The following GALNT13 variants were observed in gnomAD, a reference collection of about 807,000 sequenced individuals.
GALNT13 encodes the protein UDP-GalNAc:polypeptide N-acetylgalactosaminyltransferase 13.
GALNT13 carries 28 observed loss-of-function variants against 64.2 expected under a neutral mutation model. The ratio of observed to expected loss-of-function variants is 0.44; its 90% CI spans 0.32 to 0.60. GALNT13 has a LOEUF of 0.60. Among genes scored for constraint, GALNT13 ranks in the 20% least tolerant of loss-of-function variants. GALNT13 has a pLI of 0.05. For synonymous variants in GALNT13, 214 were observed against 224.6 expected (o/e 0.95, Z 0.42); for missense variants, 577 against 669.8 (o/e 0.86, Z 1.53).
the GALNT13 span, among the ~76,000 whole-genome samples, chr2:153,532,334 G>A: frequency 6.6e-6 from 1 of 152,068 alleles, no homozygotes; most frequent in African/African-American, 2.4e-5. Context: ...TTTGAGCCAC[G>A]GCTAGAGCTG....
chr2:154,306,004 C>A (rs544050683), intron 9 of GALNT13, among the ~76,000 whole-genome samples: 2 of 152,192 alleles, frequency 1.3e-5, no homozygotes, highest in African/African-American at 4.8e-5. Context: ...GCTGAATTAT[C>A]CATGGGTGTC....
At chr2:153,885,952 CA>C (rs1305627480) in intron 1 of GALNT13, among the ~76,000 whole-genome samples, 2 of 151,772 alleles carry the variant, frequency 1.3e-5, no homozygotes, top group African/African-American at 4.8e-5. Context: ...GAACATGAAT[CA>C]GCAAACTAAA....
At chr2:154,442,865 CTT>C (rs1701371209) in intron 12 of GALNT13, among the ~76,000 whole-genome samples, 1 of 152,022 alleles carries the variant, frequency 6.6e-6, no homozygotes, top group South Asian at 2.1e-4. Flanking sequence ...CTAAAAATAA[CTT>C]ATTTTTCATG....
At chr2:153,755,905 G>T in the GALNT13 span, among the ~76,000 whole-genome samples, 1 of 152,092 alleles carries the variant, frequency 6.6e-6, no homozygotes, top group African/African-American at 2.4e-5. Flanking sequence ...GTAGTCTTAA[G>T]TGATTATTCC....
rs894303304 is a variant in GALNT13, at chr2:154,140,451, T to C, written c.257T>C (p.Met86Thr). The C allele has an allele frequency of 6.2e-7, 1 of 1,612,862 alleles. No homozygotes were observed. The highest frequency in any genetic ancestry group is 8.5e-7 in the Non-Finnish European group (1 of 1,179,064). Residue 86 changes from methionine (M) to threonine (T), a missense_variant, in exon 4 of 13, where the codon ATG becomes ACG. Physicochemically the swap from Met to Thr is moderately conservative, Grantham distance 81. Around this residue, in one of 3 missense-constraint regions of GALNT13, gnomAD observed 341 missense variants for 379.3 expected, o/e 0.90. Transcript: ENST00000392825. The part of the protein sequence containing the change: ...ELFKINQFNL[M>T]ASDLIALNRS... ...TTTAAAATCAATCAGTTTAACCTTA[T>C]GGCCAGTGATTTGATTGCCCTTAAT...
At chr2:153,736,662 A>G in the GALNT13 span, among the ~76,000 whole-genome samples, 2 of 152,078 alleles carry the variant, frequency 1.3e-5, no homozygotes, top group African/African-American at 2.4e-5. Context: ...CTATTTCTCT[A>G]TCATCTATTG....
intron 4 of GALNT13, among the ~76,000 whole-genome samples, chr2:154,179,137 C>T (rs1206894137): frequency 1.3e-5 from 2 of 152,150 alleles, no homozygotes; most frequent in Non-Finnish European, 2.9e-5. Context: ...GAAACTCCTT[C>T]TACTCTCTTA....
At chr2:154,161,275 A>G (rs16836135) in intron 4 of GALNT13, among the ~76,000 whole-genome samples, 2,462 of 152,312 alleles carry the variant, frequency 0.016, 62 homozygotes, top group African/African-American at 0.055. Context: ...AATGCATTCT[A>G]TATTATTAAT....
chr2:153,711,077 A>C, the GALNT13 span, among the ~76,000 whole-genome samples: 1 of 152,126 alleles, frequency 6.6e-6, no homozygotes, highest in African/African-American at 2.4e-5. Context: ...GAGCCTTGCC[A>C]CAGGAACTTT....
chr2:153,224,323 G>C, the GALNT13 span, among the ~76,000 whole-genome samples: 1 of 151,946 alleles, frequency 6.6e-6, no homozygotes, highest in African/African-American at 2.4e-5. Context: ...GAGACTACTA[G>C]AGAAGGGGGG....
chr2:153,630,809 T>TATTTATTTA, the GALNT13 span, among the ~76,000 whole-genome samples: 1 of 14,078 alleles, frequency 7.1e-5, no homozygotes, highest in Non-Finnish European at 1.2e-4. Context: ...ATATATATAT[T>TATTTATTTA]TTTTTTTTTT....
Position 154,408,637 on chromosome 2 carries a change from T to C in GALNT13, c.1297-347T>C, listed in dbSNP as rs112617497. Among the ~76,000 whole-genome samples, 760 of 152,186 alleles carry C rather than the reference T, an allele frequency of 5.0e-3. 8 individuals are homozygous for C. Among genetic ancestry groups the C allele is most frequent in the African/African-American group, 0.017 (707 of 41,558 alleles). ...AGTCAATGGTTATTTGAGTGGAATA[T>C]GAAAAGTGTGTCCTAATTTTCAGAG... On this transcript the variant is annotated intron_variant, in intron 10 of 12. Transcript: ENST00000392825.
At chr2:153,364,021 A>T in the GALNT13 span, among the ~76,000 whole-genome samples, 1 of 152,206 alleles carries the variant, frequency 6.6e-6, no homozygotes, top group African/African-American at 2.4e-5. Flanking sequence ...CCAGCAGCAC[A>T]TCAAAAAATT....
intron 1 of GALNT13, among the ~76,000 whole-genome samples, chr2:153,873,607 C>A (rs1866973): frequency 6.6e-6 from 1 of 152,010 alleles, no homozygotes; most frequent in African/African-American, 2.4e-5. Context: ...TGAGGTATGC[C>A]TGCCTTAAAC....
At chr2:153,292,448 G>A in the GALNT13 span, among the ~76,000 whole-genome samples, 1 of 152,174 alleles carries the variant, frequency 6.6e-6, no homozygotes. Context: ...AAGACAGTGG[G>A]AAACAGTAGG....
chr2:153,562,621 G>C, the GALNT13 span, among the ~76,000 whole-genome samples: 1 of 151,894 alleles, frequency 6.6e-6, no homozygotes, highest in African/African-American at 2.4e-5. Context: ...TTGAATTCTT[G>C]GTGGGCTTCC....
chr2:153,419,334 C>T, the GALNT13 span, among the ~76,000 whole-genome samples: 8 of 152,212 alleles, frequency 5.3e-5, no homozygotes, highest in Non-Finnish European at 8.8e-5. Context: ...TGTCCCATGA[C>T]ACGTGGGGAT....
chr2:153,148,439 A>T, the GALNT13 span, among the ~76,000 whole-genome samples: 1 of 151,498 alleles, frequency 6.6e-6, no homozygotes, highest in African/African-American at 2.4e-5. Context: ...TAGAGGCATA[A>T]TGAGAAAAAA....
chr2:153,457,694 G>A, the GALNT13 span, among the ~76,000 whole-genome samples: 2 of 152,238 alleles, frequency 1.3e-5, no homozygotes, highest in South Asian at 4.1e-4. Flanking sequence ...ACCTAGTTGT[G>A]TGTGATTCTA....
Sources: allele counts gnomAD v4.1 joint callset (sites outside exome capture counted in the v4.1 genomes callset), GRCh38; gene constraint gnomAD v4.1.1; regional missense constraint gnomAD v4.1.1; transcripts MANE v1.5; gene names NCBI Gene and HGNC (gene_info 2026-07-23, HGNC 2026-07-21).